TACR1: variants seen among roughly 807,000 people sequenced by gnomAD.
The protein encoded by TACR1 is substance-P receptor.
Under a neutral mutation model 35.8 loss-of-function variants are expected in TACR1, and 25 were observed. That is an observed-to-expected ratio of 0.70 (90% CI 0.51 to 0.98). The LOEUF is 0.98. Among genes scored for constraint, TACR1 ranks in the 50% least tolerant of loss-of-function variants. The pLI is 0.00. For synonymous variants in TACR1, 195 were observed against 206.7 expected, an observed-to-expected ratio of 0.94 and a Z score of 0.48; for missense variants, 478 against 522.9, an observed-to-expected ratio of 0.91 and a Z score of 0.84.
At chr2:75,115,301 C>G (rs1361862220) in intron 2 of TACR1, among the ~76,000 whole-genome samples, 1 of 151,968 alleles carries the variant, frequency 6.6e-6, no homozygotes, top group Admixed American at 6.5e-5. Flanking sequence ...CATTATTTTC[C>G]CCCATCAGAT....
intron 2 of TACR1, among the ~76,000 whole-genome samples, chr2:75,086,589 G>C (rs1673193386): frequency 6.6e-6 from 1 of 152,166 alleles, no homozygotes; most frequent in Non-Finnish European, 1.5e-5. Context: ...CTGATTTTGT[G>C]AAATGGGGGA....
At chr2:75,086,488 T>TACTG (rs959521622) in intron 2 of TACR1, among the ~76,000 whole-genome samples, 9 of 152,158 alleles carry the variant, frequency 5.9e-5, no homozygotes, top group South Asian at 2.1e-4. Flanking sequence ...AATAAATATT[T>TACTG]ACTGACTGAC....
intron 1 of TACR1, among the ~76,000 whole-genome samples, chr2:75,169,899 G>A (rs1675234549): frequency 6.6e-6 from 1 of 151,950 alleles, no homozygotes; most frequent in African/African-American, 2.4e-5. Flanking sequence ...TCTAGAGCTT[G>A]AATTTTTCTT....
intron 1 of TACR1, among the ~76,000 whole-genome samples, chr2:75,138,444 G>T (rs1674339751): frequency 6.6e-6 from 1 of 152,194 alleles, no homozygotes; most frequent in Non-Finnish European, 1.5e-5. Flanking sequence ...AAAGAAGGTG[G>T]TGGTTACTCA....
chr2:75,054,505 T>G (rs1672535171), intron 2 of TACR1, among the ~76,000 whole-genome samples: 1 of 152,210 alleles, frequency 6.6e-6, no homozygotes, highest in South Asian at 2.1e-4. Flanking sequence ...TGACTCACGT[T>G]TGACTGGGAC....
intron 2 of TACR1, among the ~76,000 whole-genome samples, chr2:75,075,716 A>G (rs564144257): frequency 1.3e-5 from 2 of 152,374 alleles, no homozygotes; most frequent in South Asian, 4.1e-4. Flanking sequence ...CAATAACAAC[A>G]AGAACAAATT....
chr2:75,130,651 A>G (rs770632931), intron 1 of TACR1, among the ~76,000 whole-genome samples: 1 of 152,260 alleles, frequency 6.6e-6, no homozygotes, highest in Non-Finnish European at 1.5e-5. Flanking sequence ...AAAGTTGATG[A>G]TGAATGTGTA....
intron 1 of TACR1, among the ~76,000 whole-genome samples, chr2:75,138,941 A>C (rs1460072026): frequency 1.3e-5 from 2 of 152,162 alleles, no homozygotes; most frequent in South Asian, 2.1e-4. Flanking sequence ...GTGCAATTAC[A>C]ACTGTGGTAA....
chr2:75,123,848 C>A (rs989924724), intron 1 of TACR1, among the ~76,000 whole-genome samples: 6 of 152,158 alleles, frequency 3.9e-5, no homozygotes, highest in Admixed American at 2.6e-4. Context: ...TTCTTTCCTA[C>A]TCCCCACTTC....
intron 2 of TACR1, among the ~76,000 whole-genome samples, chr2:75,117,277 G>A (rs1003757959): frequency 1.7e-4 from 26 of 152,128 alleles, no homozygotes; most frequent in Admixed American, 1.6e-3. Context: ...ATTTGCAAAC[G>A]TTAGTAAAGA....
chr2:75,113,530 T>TC (rs1256774385), intron 2 of TACR1, among the ~76,000 whole-genome samples: 14 of 120,550 alleles, frequency 1.2e-4, no homozygotes, highest in African/African-American at 4.6e-4. Context: ...TTTTTCTTCT[T>TC]CCTTTTTTTT....
intron 4 of TACR1, 126 bp downstream of exon 4, chr2:75,051,124 TA>T (rs2103778722): frequency 2.5e-6 from 3 of 1,191,258 alleles, no homozygotes; most frequent in Non-Finnish European, 1.2e-6. Flanking sequence ...GATGATAAGT[TA>T]GCTGCAGTCC....
intron 2 of TACR1, among the ~76,000 whole-genome samples, chr2:75,059,341 A>G (rs1672626974): frequency 6.6e-6 from 1 of 152,226 alleles, no homozygotes; most frequent in Non-Finnish European, 1.5e-5. Context: ...AAATCAGAAT[A>G]TGCATTTTAA....
intron 1 of TACR1, among the ~76,000 whole-genome samples, chr2:75,153,578 A>G (rs1463822039): frequency 6.6e-6 from 1 of 152,214 alleles, no homozygotes; most frequent in African/African-American, 2.4e-5. Flanking sequence ...AGATTTGTTT[A>G]TAGGATCAGG....
intron 1 of TACR1, among the ~76,000 whole-genome samples, chr2:75,121,784 A>G (rs1380754217): frequency 6.6e-6 from 1 of 152,220 alleles, no homozygotes; most frequent in East Asian, 1.9e-4. Context: ...TGGCATTTAA[A>G]TATTATCTGA....
intron 1 of TACR1, among the ~76,000 whole-genome samples, chr2:75,179,845 A>G (rs544005294): frequency 6.6e-6 from 1 of 152,320 alleles, no homozygotes; most frequent in African/African-American, 2.4e-5. Context: ...ACACTAGAGT[A>G]GACTTAGACT....
intron 1 of TACR1, among the ~76,000 whole-genome samples, chr2:75,183,218 A>G (rs1346483191): frequency 6.6e-6 from 1 of 152,244 alleles, no homozygotes; most frequent in African/African-American, 2.4e-5. Flanking sequence ...CTTACATGCA[A>G]TAAGAATACA....
chr2:75,127,521 C>T (rs1674096824), intron 1 of TACR1, among the ~76,000 whole-genome samples: 1 of 152,168 alleles, frequency 6.6e-6, no homozygotes, highest in Admixed American at 6.5e-5. Context: ...AAGGTGCCAG[C>T]TGATAGCAAG....
intron 2 of TACR1, among the ~76,000 whole-genome samples, chr2:75,077,427 G>C (rs1467086554): frequency 6.6e-6 from 1 of 152,192 alleles, no homozygotes; most frequent in African/African-American, 2.4e-5. Context: ...AAGTTAGATG[G>C]ACCTACTGTG....
Sources: allele counts gnomAD v4.1 joint callset (sites outside exome capture counted in the v4.1 genomes callset), GRCh38; gene constraint gnomAD v4.1.1; transcripts MANE v1.5; gene names NCBI Gene and HGNC (gene_info 2026-07-23, HGNC 2026-07-21).